CDKAL1: variants seen among roughly 807,000 people sequenced by gnomAD.
CDKAL1 encodes CDKAL1 threonylcarbamoyladenosine tRNA methylthiotransferase, also known as threonylcarbamoyladenosine tRNA methylthiotransferase.
Under a neutral mutation model 68.2 loss-of-function variants are expected in CDKAL1, and 32 were observed. That is an observed-to-expected ratio of 0.47 (90% CI 0.35 to 0.63). The LOEUF (loss-of-function observed/expected upper bound fraction) is 0.63. Among genes scored for constraint, CDKAL1 ranks in the 30% least tolerant of loss-of-function variants. The probability of loss-of-function intolerance (pLI) is 0.00; values close to 1 mark genes in which losing one functional copy is unlikely to be tolerated. For missense variants in CDKAL1, 606 were observed against 696.7 expected, an observed-to-expected ratio of 0.87 and a Z score of 1.47; for synonymous variants, 234 against 244.3, an observed-to-expected ratio of 0.96 and a Z score of 0.39.
At chr6:20,649,236 A>G in intron 4 of CDKAL1, 57 bp from the exon 5 acceptor site, 1 of 1,204,898 alleles carries the variant, frequency 8.3e-7, no homozygotes, top group Non-Finnish European at 1.2e-6. Flanking sequence ...GCCACTGGAT[A>G]TTTTTGAATG....
chr6:20,795,517 G>A (rs573953000), intron 8 of CDKAL1, among the ~76,000 whole-genome samples: 30 of 152,220 alleles, frequency 2.0e-4, no homozygotes, highest in African/African-American at 7.0e-4. Context: ...TTGGAATAGT[G>A]GTTGAGAAAG....
At chr6:21,135,551 T>C (rs1332330550) in intron 13 of CDKAL1, 1 of 240,714 alleles carries the variant, frequency 4.2e-6, no homozygotes, top group Non-Finnish European at 6.7e-6. Flanking sequence ...CTCTAGAGTT[T>C]ACGGGAGAGG....
chr6:20,797,753 T>A (rs956209062), intron 8 of CDKAL1, among the ~76,000 whole-genome samples: 8 of 151,886 alleles, frequency 5.3e-5, no homozygotes, highest in African/African-American at 1.9e-4. Flanking sequence ...GTATGTATGA[T>A]TGATTGCTTT....
intron 4 of CDKAL1, among the ~76,000 whole-genome samples, chr6:20,597,467 T>C (rs1765882742): frequency 6.6e-6 from 1 of 150,582 alleles, no homozygotes; most frequent in African/African-American, 2.5e-5. Context: ...CAGGCTGGAG[T>C]GCAGTGGCAT....
intron 13 of CDKAL1, among the ~76,000 whole-genome samples, chr6:21,179,660 T>G (rs537343581): frequency 6.6e-6 from 1 of 152,362 alleles, no homozygotes; most frequent in South Asian, 2.1e-4. Flanking sequence ...AACAGCATTT[T>G]TGTTTGCTGC....
chr6:20,816,257 G>A (rs1276968707), intron 8 of CDKAL1, among the ~76,000 whole-genome samples: 1 of 151,658 alleles, frequency 6.6e-6, no homozygotes, highest in African/African-American at 2.4e-5. Flanking sequence ...ACAGATTCCT[G>A]GCAGATGTGA....
At chr6:20,629,680 G>A (rs1767587737) in intron 4 of CDKAL1, among the ~76,000 whole-genome samples, 2 of 152,094 alleles carry the variant, frequency 1.3e-5, no homozygotes, top group African/African-American at 2.4e-5. Context: ...TTCACCTCCT[G>A]GTCTTTGACA....
intron 9 of CDKAL1, among the ~76,000 whole-genome samples, chr6:20,850,494 G>A (rs1308059641): frequency 6.6e-6 from 1 of 151,976 alleles, no homozygotes; most frequent in African/African-American, 2.4e-5. Flanking sequence ...TCACTGGAGT[G>A]CAGTGGCATG....
intron 6 of CDKAL1, among the ~76,000 whole-genome samples, chr6:20,747,076 C>T (rs1773694408): frequency 6.6e-6 from 1 of 152,086 alleles, no homozygotes; most frequent in African/African-American, 2.4e-5. Flanking sequence ...CTTTTACACA[C>T]AATTGAAATC....
Position 21,201,223 on chromosome 6 carries a change from G to A in CDKAL1, c.1497G>A (p.Thr499=), listed in dbSNP as rs557710298. The change falls in exon 15 of 16, where the codon ACG becomes ACA. Residue 499 remains threonine (T), a synonymous_variant. Coordinates refer to ENST00000274695, the MANE Select transcript of CDKAL1 (RefSeq NM_017774.3). The part of the protein sequence containing the change: ...GQPVSDAKVY[T]PSISKPLAKG... ...CAGTATCTGATGCCAAAGTGTACAC[G>A]CCCTCCATCAGCAAACCGCTAGCAA... The A allele has an allele frequency of 3.6e-5, 58 of 1,612,984 alleles. No individual in the cohort carries two copies. The East Asian group carries it at 1.0e-3, about 29-fold the overall frequency.
chr6:20,672,236 C>CTCTTTCTT lies in CDKAL1; in HGVS notation c.371+22881_371+22888dup, dbSNP rs66598881. 4.2e-3 allele frequency among the ~76,000 whole-genome samples: 572 copies of CTCTTTCTT among 135,528 alleles called. 9 individuals carry two copies. In the East Asian group the frequency reaches 0.048, roughly 11 times the overall value. 88.9% of individuals were successfully genotyped at this position (135,528 alleles called of 152,430 possible). On this transcript the variant is annotated intron_variant, in intron 5 of 15. Transcript: ENST00000274695. ...CTTTCTTCCTTTCTTTCTTTTCTTT[C>CTCTTTCTT]TCTTTCTTTCTTTCTTTCTTTCTTT...
intron 13 of CDKAL1, among the ~76,000 whole-genome samples, chr6:21,134,224 T>C (rs1775468194): frequency 6.6e-6 from 1 of 152,184 alleles, no homozygotes; most frequent in African/African-American, 2.4e-5. Flanking sequence ...TGTCATACTT[T>C]TCAGGAGCTC....
chr6:21,063,326 A>C (rs1283414843), intron 11 of CDKAL1, among the ~76,000 whole-genome samples: 1 of 152,226 alleles, frequency 6.6e-6, no homozygotes, highest in Non-Finnish European at 1.5e-5. Flanking sequence ...AGTTAATGTA[A>C]TTCTGTTATT....
chr6:21,020,057 A>G (rs896213811), intron 11 of CDKAL1, among the ~76,000 whole-genome samples: 8 of 152,202 alleles, frequency 5.3e-5, no homozygotes, highest in Non-Finnish European at 1.0e-4. Context: ...TATTAGAAAC[A>G]AATTTTTCTG....
At chr6:20,606,333 C>T (rs1766332179) in intron 4 of CDKAL1, among the ~76,000 whole-genome samples, 1 of 152,116 alleles carries the variant, frequency 6.6e-6, no homozygotes, top group African/African-American at 2.4e-5. Context: ...TTAATCACAG[C>T]AAGATACTTT....
intron 12 of CDKAL1, among the ~76,000 whole-genome samples, chr6:21,079,341 T>A (rs545353781): frequency 6.6e-6 from 1 of 152,140 alleles, no homozygotes; most frequent in Non-Finnish European, 1.5e-5. Flanking sequence ...TTATGTCTGT[T>A]TTGGAAAGCT....
chr6:20,955,903 G>T (rs1056529528), intron 10 of CDKAL1, among the ~76,000 whole-genome samples: 1 of 151,992 alleles, frequency 6.6e-6, no homozygotes, highest in African/African-American at 2.4e-5. Flanking sequence ...TTGACCGCTC[G>T]TCTGATTCAG....
intron 11 of CDKAL1, among the ~76,000 whole-genome samples, chr6:21,015,281 A>G (rs1433790814): frequency 6.6e-6 from 1 of 152,206 alleles, no homozygotes; most frequent in African/African-American, 2.4e-5. Context: ...TTGATCAATG[A>G]AATCAGTGTT....
chr6:20,884,951 G>T (rs748764623), intron 9 of CDKAL1, among the ~76,000 whole-genome samples: 32 of 151,566 alleles, frequency 2.1e-4, no homozygotes, highest in Non-Finnish European at 3.7e-4. Flanking sequence ...ACATAGCAAG[G>T]CCCCATCTCT....
Sources: gnomAD v4.1 joint callset for allele counts (sites outside exome capture counted in the v4.1 genomes callset) on GRCh38, gnomAD v4.1.1 for gene constraint, MANE v1.5 for transcripts, NCBI Gene and HGNC (gene_info 2026-07-23, HGNC 2026-07-21) for gene names.